The following FREM3 variants were observed in gnomAD, a reference collection of about 807,000 sequenced individuals.
FREM3 encodes FRAS1 related extracellular matrix 3.
FREM3 carries 105 observed loss-of-function variants against 129.1 expected under a neutral mutation model. The observed-to-expected ratio is 0.81, with a 90% CI of 0.69 to 0.96. The LOEUF (loss-of-function observed/expected upper bound fraction) is 0.96, where lower values mean the gene tolerates loss of function less well. Among genes scored for constraint, FREM3 ranks in the 40% least tolerant of loss-of-function variants. The pLI, the probability that FREM3 is intolerant of heterozygous loss-of-function variation, is 0.00. For synonymous variants in FREM3, 1,014 were observed against 1,044.9 expected (o/e 0.97, Z 0.57); for missense variants, 2,593 against 2,666.3 (o/e 0.97, Z 0.61).
intron 2 of FREM3, among the ~76,000 whole-genome samples, chr4:143,680,427 C>T (rs937676098): frequency 2.0e-5 from 3 of 151,902 alleles, no homozygotes; most frequent in Non-Finnish European, 2.9e-5. Context: ...TCTTCTAAGG[C>T]CCATAGACTT....
intron 2 of FREM3, among the ~76,000 whole-genome samples, chr4:143,677,178 C>G (rs537567771): frequency 2.6e-5 from 4 of 152,324 alleles, no homozygotes; most frequent in East Asian, 1.9e-4. Flanking sequence ...CAGCATGGTA[C>G]TGGTACCAAA....
chr4:143,657,697 C>T (rs1028678051), intron 2 of FREM3, among the ~76,000 whole-genome samples: 6 of 152,064 alleles, frequency 3.9e-5, no homozygotes, highest in African/African-American at 1.4e-4. Context: ...CCATATAAGC[C>T]AGGCAGGAAT....
chr4:143,598,058 G>C (rs1181964638), intron 6 of FREM3, among the ~76,000 whole-genome samples: 1 of 152,202 alleles, frequency 6.6e-6, no homozygotes, highest in Non-Finnish European at 1.5e-5. Flanking sequence ...TAGTGTTCAT[G>C]AGGGCTCTGC....
chr4:143,675,198 C>T (rs1370295748), intron 2 of FREM3, among the ~76,000 whole-genome samples: 1 of 152,162 alleles, frequency 6.6e-6, no homozygotes, highest in Non-Finnish European at 1.5e-5. Context: ...GTCTCTCAGA[C>T]CACAGTGCAA....
intron 2 of FREM3, among the ~76,000 whole-genome samples, chr4:143,672,711 C>T (rs545165273): frequency 2.0e-4 from 31 of 152,318 alleles, no homozygotes; most frequent in African/African-American, 6.0e-4. Context: ...CCATTCTCCC[C>T]GTCACTTTCA....
intron 2 of FREM3, among the ~76,000 whole-genome samples, chr4:143,688,094 G>A (rs1251989046): frequency 6.6e-6 from 1 of 152,112 alleles, no homozygotes; most frequent in Non-Finnish European, 1.5e-5. Context: ...CTGACGCTAT[G>A]ATCATTTACC....
intron 6 of FREM3, among the ~76,000 whole-genome samples, chr4:143,591,951 T>G (rs538007177): frequency 1.3e-5 from 2 of 152,374 alleles, no homozygotes; most frequent in South Asian, 4.1e-4. Flanking sequence ...ATATTTAGGA[T>G]AGTTAGTTGT....
intron 2 of FREM3, among the ~76,000 whole-genome samples, chr4:143,639,989 T>C (rs180884682): frequency 3.3e-5 from 5 of 152,274 alleles, no homozygotes; most frequent in East Asian, 3.9e-4. Context: ...CTACCTCTCT[T>C]ACTGACTTTG....
In FREM3 at chr4:143,613,809, A is replaced by G. The variant is rs11938752; in HGVS notation, c.5780-2282T>C. ...ACTGCATGTTAACTCCTCAGGACGAATGCCAAAAGCAGATACTGTAGACAC... is the reference window on the plus strand; with the variant it reads ...ACTGCATGTTAACTCCTCAGGACGAGTGCCAAAAGCAGATACTGTAGACAC... On this transcript the variant is annotated intron_variant, in intron 5 of 7. Transcript: ENST00000329798. 7.8e-3 allele frequency among the ~76,000 whole-genome samples: 1,182 copies of G among 152,322 alleles called. 9 individuals carry two copies. The highest frequency in any genetic ancestry group is 0.027 in the African/African-American group (1,135 of 41,572).
intron 2 of FREM3, among the ~76,000 whole-genome samples, chr4:143,678,453 A>G (rs940249719): frequency 3.3e-5 from 5 of 152,112 alleles, no homozygotes; most frequent in Admixed American, 6.6e-5. Context: ...TGATGAGTTA[A>G]TGGGTGCAGC....
chr4:143,673,286 CTGTT>C (rs1440540867), intron 2 of FREM3, among the ~76,000 whole-genome samples: 2 of 152,264 alleles, frequency 1.3e-5, no homozygotes, highest in East Asian at 3.9e-4. Context: ...GATGTCCTTC[CTGTT>C]TGTTAGTTTT....
intron 2 of FREM3, among the ~76,000 whole-genome samples, chr4:143,656,396 A>G (rs1300769742): frequency 6.6e-6 from 1 of 152,210 alleles, no homozygotes; most frequent in Non-Finnish European, 1.5e-5. Flanking sequence ...ATAGCCCCAA[A>G]ATGGAAACAT....
intron 2 of FREM3, among the ~76,000 whole-genome samples, chr4:143,663,703 C>G (rs911855814): frequency 6.6e-6 from 1 of 152,084 alleles, no homozygotes; most frequent in Non-Finnish European, 1.5e-5. Context: ...TCCATTCTAC[C>G]CATCACTTTC....
At chr4:143,600,667 G>A (rs949802099) in intron 6 of FREM3, among the ~76,000 whole-genome samples, 9 of 152,106 alleles carry the variant, frequency 5.9e-5, no homozygotes, top group Admixed American at 1.3e-4. Context: ...TAAAAGTTGT[G>A]AAACTTCATA....
chr4:143,586,865 C>CA (rs1157802782), intron 6 of FREM3, among the ~76,000 whole-genome samples: 1 of 152,018 alleles, frequency 6.6e-6, no homozygotes, highest in Non-Finnish European at 1.5e-5. Context: ...CATCTGGAGG[C>CA]AAAAAATGTA....
rs1172822677 is a variant in FREM3 at position 143,695,815 on chromosome 4, A to T, written c.4861T>A (p.Ser1621Thr). 1 of 1,537,258 alleles carries T rather than the reference A, an allele frequency of 6.5e-7. No individual in the cohort carries two copies. The highest frequency in any genetic ancestry group is 2.4e-5 in the East Asian group (1 of 40,918). ...TGAGTGCCGTCTGTCACAGTCAAGGAGAAACTATCTTCAGTGGTCTCACTG... is the reference window on the plus strand; with the variant it reads ...TGAGTGCCGTCTGTCACAGTCAAGGTGAAACTATCTTCAGTGGTCTCACTG... ...DGSETTEDSF[S>T]LTVTDGTHTD... Residue 1621 changes from serine (S) to threonine (T), a missense_variant, in exon 1 of 8, where the codon TCC becomes ACC. Physicochemically the swap from Ser to Thr is moderately conservative, Grantham distance 58. Transcript: ENST00000329798.
chr4:143,654,746 A>AT (rs899571807), intron 2 of FREM3, among the ~76,000 whole-genome samples: 6 of 152,084 alleles, frequency 3.9e-5, no homozygotes, highest in African/African-American at 7.2e-5. Context: ...GAGGGGCCCC[A>AT]TTTTTTTTGA....
At chr4:143,689,619 G>A (rs571353111) in intron 2 of FREM3, among the ~76,000 whole-genome samples, 2 of 151,976 alleles carry the variant, frequency 1.3e-5, no homozygotes, top group Non-Finnish European at 2.9e-5. Flanking sequence ...TTGCAAAATC[G>A]TGGAACCAAC....
intron 2 of FREM3, among the ~76,000 whole-genome samples, chr4:143,689,680 A>T (rs1350823693): frequency 1.3e-5 from 2 of 152,118 alleles, no homozygotes; most frequent in African/African-American, 4.8e-5. Context: ...ATATATATAT[A>T]TATGATGGAA....
Sources: gnomAD v4.1 joint callset for allele counts (sites outside exome capture counted in the v4.1 genomes callset) on GRCh38, gnomAD v4.1.1 for gene constraint, MANE v1.5 for transcripts, NCBI Gene and HGNC (gene_info 2026-07-23, HGNC 2026-07-21) for gene names.